The following PTDSS1 variants were observed in gnomAD, a reference collection of about 807,000 sequenced individuals.
PTDSS1 encodes phosphatidylserine synthase 1.
Under a neutral mutation model 70.5 loss-of-function variants are expected in PTDSS1, and 45 were observed. The observed-to-expected ratio is 0.64, with a 90% CI of 0.50 to 0.82. The LOEUF is 0.82. Ranked by LOEUF, PTDSS1 falls within the 40% of genes least tolerant of loss-of-function variation. The probability of loss-of-function intolerance (pLI) is 0.00; values close to 1 mark genes in which losing one functional copy is unlikely to be tolerated. For synonymous variants in PTDSS1, 188 were observed against 203.8 expected, an observed-to-expected ratio of 0.92 and a Z score of 0.66; for missense variants, 417 against 586.1, an observed-to-expected ratio of 0.71 and a Z score of 2.98.
intron 2 of PTDSS1, among the ~76,000 whole-genome samples, chr8:96,277,292 G>A (rs140900125): frequency 3.7e-4 from 56 of 152,350 alleles, no homozygotes; most frequent in African/African-American, 1.2e-3. Context: ...TTCAAATTAG[G>A]GATGGCTTTG....
At chr8:96,298,676 G>T (rs1411425157) in intron 5 of PTDSS1, among the ~76,000 whole-genome samples, 2 of 152,100 alleles carry the variant, frequency 1.3e-5, no homozygotes, top group Non-Finnish European at 2.9e-5. Context: ...AGAACCTTCA[G>T]CCTCAGTCAG....
At chr8:96,327,683 A>T (rs967996471) in intron 10 of PTDSS1, among the ~76,000 whole-genome samples, 4 of 152,096 alleles carry the variant, frequency 2.6e-5, no homozygotes, top group Non-Finnish European at 1.5e-5. Context: ...CTGGTTAATA[A>T]GCTTTTCCAG....
At chr8:96,305,446 G>A (rs1006927631) in intron 7 of PTDSS1, among the ~76,000 whole-genome samples, 4 of 152,128 alleles carry the variant, frequency 2.6e-5, no homozygotes, top group Non-Finnish European at 4.4e-5. Flanking sequence ...GCTACCTGGA[G>A]CTGGGCTCTA....
intron 9 of PTDSS1, among the ~76,000 whole-genome samples, chr8:96,318,674 C>T (rs762036027): frequency 5.3e-5 from 8 of 152,258 alleles, no homozygotes; most frequent in Non-Finnish European, 1.0e-4. Context: ...TCAAGCCAAC[C>T]ACTCTTAAAC....
At chr8:96,317,909 G>GTGTGTGTGTGTGTGTA (rs1811319337) in intron 9 of PTDSS1, among the ~76,000 whole-genome samples, 1 of 116,940 alleles carries the variant, frequency 8.6e-6, no homozygotes, top group South Asian at 2.5e-4. Flanking sequence ...GTGTGTGTGT[G>GTGTGTGTGTGTGTGTA]TGTGTGTGTG....
chr8:96,268,428 C>G (rs1810517127), intron 1 of PTDSS1, among the ~76,000 whole-genome samples: 1 of 152,072 alleles, frequency 6.6e-6, no homozygotes. Flanking sequence ...GACAATTAAC[C>G]TAGAAGCCTT....
At chr8:96,276,316 CT>C (rs900738329) in intron 2 of PTDSS1, among the ~76,000 whole-genome samples, 1 of 152,330 alleles carries the variant, frequency 6.6e-6, no homozygotes, top group South Asian at 2.1e-4. Flanking sequence ...TGATGTAACA[CT>C]TTGTGTGATT....
chr8:96,272,771 G>A (rs747735116), intron 1 of PTDSS1, among the ~76,000 whole-genome samples: 3 of 152,184 alleles, frequency 2.0e-5, no homozygotes, highest in Non-Finnish European at 2.9e-5. Context: ...AGATAAATGG[G>A]AGCTATTAAT....
intron 4 of PTDSS1, among the ~76,000 whole-genome samples, chr8:96,294,260 T>C (rs914423046): frequency 2.0e-5 from 3 of 152,208 alleles, no homozygotes; most frequent in Non-Finnish European, 4.4e-5. Flanking sequence ...TATTATAGTT[T>C]ATAGGAATTT....
chr8:96,317,142 T>C (rs1811304131), intron 9 of PTDSS1, among the ~76,000 whole-genome samples: 1 of 151,778 alleles, frequency 6.6e-6, no homozygotes, highest in South Asian at 2.1e-4. Context: ...CTAGACCCTC[T>C]AGGATCCCCT....
intron 9 of PTDSS1, among the ~76,000 whole-genome samples, chr8:96,314,918 C>T (rs1296914354): frequency 3.3e-5 from 5 of 151,838 alleles, no homozygotes; most frequent in East Asian, 1.9e-4. Context: ...TTTTAGCAGC[C>T]GATCCCCTTT....
At chr8:96,309,734 G>T in intron 9 of PTDSS1, 112 bp downstream of exon 9, 1 of 896,922 alleles carries the variant, frequency 1.1e-6, no homozygotes. Context: ...TATGAAGACA[G>T]GTGGACTAGA....
intron 10 of PTDSS1, among the ~76,000 whole-genome samples, chr8:96,328,061 C>G (rs933149548): frequency 2.0e-5 from 3 of 152,172 alleles, no homozygotes; most frequent in Non-Finnish European, 4.4e-5. Context: ...TGATAAGCAC[C>G]TGTCGTTCTC....
intron 5 of PTDSS1, 125 bp from the exon 6 acceptor site, chr8:96,299,569 T>C: frequency 9.4e-7 from 1 of 1,066,940 alleles, no homozygotes; most frequent in Non-Finnish European, 1.3e-6. Flanking sequence ...TTTCTGTACA[T>C]TAGGAAAAAA....
chr8:96,286,752 C>T (rs1417100513), intron 3 of PTDSS1, among the ~76,000 whole-genome samples: 2 of 152,190 alleles, frequency 1.3e-5, no homozygotes, highest in African/African-American at 2.4e-5. Context: ...ACACCCACCC[C>T]GCACACCCTT....
chr8:96,262,258 C>G lies in PTDSS1; in HGVS notation c.179+39C>G. ...GCCGAGCGGGGGGCGCGTCCAAGGG[C>G]TAGGGAAGAGGCGGGAGGGAGGGTG... On this transcript the variant is annotated intron_variant, in intron 1 of 12. Transcript: ENST00000517309. The surrounding 1 kb of genome is among the most constrained non-coding windows in gnomAD (Gnocchi z 4.4). 1 of 963,984 alleles carries G rather than the reference C, an allele frequency of 1.0e-6. No individual in the cohort carries two copies. The allele number at this position is 963,984 out of a possible 1,614,324, so 59.7% of individuals were successfully genotyped here.
chr8:96,288,761 C>T (rs1047926299), intron 4 of PTDSS1, among the ~76,000 whole-genome samples: 1 of 149,588 alleles, frequency 6.7e-6, no homozygotes, highest in Non-Finnish European at 1.5e-5. Context: ...TCCTGAGGAA[C>T]TGGGATTACA....
At chr8:96,264,178 T>G (rs1810455144) in intron 1 of PTDSS1, among the ~76,000 whole-genome samples, 1 of 152,230 alleles carries the variant, frequency 6.6e-6, no homozygotes, top group Non-Finnish European at 1.5e-5. Flanking sequence ...TGCCTGATTT[T>G]ATCACTTAAT....
At chr8:96,299,965 C>T (rs1183427493) in intron 6 of PTDSS1, 120 bp downstream of exon 6, 17 of 1,236,892 alleles carry the variant, frequency 1.4e-5, no homozygotes, top group Non-Finnish European at 1.6e-5. Context: ...ATGTTAATAA[C>T]TGAAACTCAT....
Sources: allele counts gnomAD v4.1 joint callset (sites outside exome capture counted in the v4.1 genomes callset), GRCh38; gene constraint gnomAD v4.1.1; non-coding constraint Gnocchi (gnomAD v3.1); transcripts MANE v1.5; gene names NCBI Gene and HGNC (gene_info 2026-07-23, HGNC 2026-07-21).